FAM161B: variants seen among roughly 807,000 people sequenced by gnomAD.
FAM161B encodes protein FAM161B.
A neutral mutation model predicts 61.5 loss-of-function variants in FAM161B; 46 were observed. The observed-to-expected ratio is 0.75, with a 90% CI of 0.59 to 0.96. FAM161B has a LOEUF of 0.96. FAM161B is among the 40% of genes least tolerant of loss of function. The pLI is 0.00. For missense variants in FAM161B, 774 were observed against 800.7 expected (o/e 0.97, Z 0.40); for synonymous variants, 284 against 302.7 (o/e 0.94, Z 0.64).
downstream of FAM161B, among the ~76,000 whole-genome samples, chr14:73,929,548 G>A (rs17094045): frequency 0.085 from 12,958 of 152,090 alleles, 959 homozygotes; most frequent in East Asian, 0.44. Context: ...AACCAAATCT[G>A]TTATCAGAAA....
At chr14:73,925,373 C>T in the FAM161B span, among the ~76,000 whole-genome samples, 2 of 151,696 alleles carry the variant, frequency 1.3e-5, no homozygotes, top group South Asian at 4.2e-4. Flanking sequence ...TATGATAAAC[C>T]CACGTCGAAG....
downstream of FAM161B, among the ~76,000 whole-genome samples, chr14:73,928,216 A>G (rs1175009236): frequency 6.6e-6 from 1 of 152,138 alleles, no homozygotes. Context: ...TTAAGTTGAG[A>G]TGGGAGGGAT....
rs376650648 is a variant in FAM161B at position 73,950,065 on chromosome 14, A to AGTGGCAGCAGCG, written c.-51_-40dup. On this transcript the variant is annotated 5_prime_UTR_variant, in exon 1 of 9. Transcript: ENST00000286544. ...AGGCAGCAGCGACAGTGACAGCGATAGTGGCAGCAGCGGTGGCAGCGAGAG... is the reference window on the plus strand; with the variant it reads ...AGGCAGCAGCGACAGTGACAGCGATAGTGGCAGCAGCGGTGGCAGCAGCGGTGGCAGCGAGAG... 1.7e-5 allele frequency: 27 copies of AGTGGCAGCAGCG among 1,608,862 alleles called. No homozygotes were observed. Among genetic ancestry groups the AGTGGCAGCAGCG allele is most frequent in the Non-Finnish European group, 2.3e-5 (27 of 1,179,984 alleles).
rs1423335937 is a variant in FAM161B at position 73,940,149 on chromosome 14, G to T, written c.1400+777C>A. ...GACATTAGTCCTCTCCCTGGCCTAA[G>T]CTGCTGTTACACCATGACCTCTCTT... is the stretch of plus-strand genomic sequence containing the variant. On this transcript the variant is annotated intron_variant, in intron 5 of 8. Coordinates refer to ENST00000286544, the MANE Select transcript of FAM161B (RefSeq NM_152445.3). Among the ~76,000 whole-genome samples, 3 of 152,218 alleles carry T rather than the reference G, an allele frequency of 2.0e-5. No homozygotes were observed. In the East Asian group the frequency reaches 5.8e-4, roughly 29 times the overall value.
At chr14:73,945,744 T>A (rs1274862479) in intron 2 of FAM161B, among the ~76,000 whole-genome samples, 1 of 151,966 alleles carries the variant, frequency 6.6e-6, no homozygotes, top group East Asian at 1.9e-4. Context: ...TAAATTTTAT[T>A]TTATTTTTAT....
the FAM161B span, among the ~76,000 whole-genome samples, chr14:73,925,966 T>C: frequency 2.0e-5 from 3 of 152,132 alleles, no homozygotes; most frequent in Non-Finnish European, 4.4e-5. Context: ...CCTGGGAGGT[T>C]GAGGCTACAG....
chr14:73,934,193 C>T lies in FAM161B; in HGVS notation c.*63G>A, dbSNP rs2055950874. 1.1e-5 allele frequency: 17 copies of T among 1,574,334 alleles called. No homozygotes were observed. The South Asian group carries it at 1.8e-4, about 16-fold the overall frequency. ...GACTCAAAACCCAAGTTTTCCCTGC[C>T]TTGACTCAAACCCAAGTTAGCTGCT... On this transcript the variant is annotated 3_prime_UTR_variant, in exon 9 of 9. Transcript: ENST00000286544.
intron 1 of FAM161B, among the ~76,000 whole-genome samples, chr14:73,947,993 C>G (rs1467328329): frequency 6.6e-6 from 1 of 152,022 alleles, no homozygotes; most frequent in Non-Finnish European, 1.5e-5. Flanking sequence ...GCAATCATGC[C>G]TCACTGCAGC....
rs560808582 is a variant in FAM161B, at chr14:73,944,560, T to C, written c.700A>G (p.Met234Val). 2.5e-6 allele frequency: 4 copies of C among 1,614,032 alleles called. No homozygotes were observed. Among genetic ancestry groups the C allele is most frequent in the East Asian group, 2.2e-5 (1 of 44,866 alleles). The change falls in exon 3 of 9, where the codon ATG becomes GTG. Residue 234 changes from methionine to valine, a missense_variant. By Grantham distance (21) the Met-to-Val change is conservative (BLOSUM62 1). Transcript: ENST00000286544. ...HVYLPLYQEI[M>V]ERSEARRQAG... ...TGCCTTCGGGCCTCGCTGCGCTCCA[T>C]GATCTCTTGGTAGAGGGGCAGGTAG...
At chr14:73,945,916 A>G (rs1366150572) in intron 2 of FAM161B, among the ~76,000 whole-genome samples, 1 of 151,206 alleles carries the variant, frequency 6.6e-6, no homozygotes, top group Non-Finnish European at 1.5e-5. Flanking sequence ...TAATTTTTGT[A>G]TTTTTAGTAG....
the FAM161B span, among the ~76,000 whole-genome samples, chr14:73,926,459 G>A: frequency 6.6e-6 from 1 of 151,820 alleles, no homozygotes; most frequent in Non-Finnish European, 1.5e-5. Context: ...TTGAGACTGA[G>A]TCTCACTCTG....
intron 3 of FAM161B, 78 bp from the exon 4 acceptor site, chr14:73,942,793 C>G (rs1488776903): frequency 7.6e-7 from 1 of 1,323,342 alleles, no homozygotes; most frequent in African/African-American, 1.5e-5. Flanking sequence ...CCCTCTTTTA[C>G]ACACTAGCTG....
chr14:73,939,381 G>A (rs533025198), intron 5 of FAM161B, among the ~76,000 whole-genome samples: 2 of 152,148 alleles, frequency 1.3e-5, no homozygotes, highest in Non-Finnish European at 2.9e-5. Context: ...AATACTAATA[G>A]CTACCATTTA....
chr14:73,926,092 G>T, the FAM161B span, among the ~76,000 whole-genome samples: 1 of 152,090 alleles, frequency 6.6e-6, no homozygotes, highest in Non-Finnish European at 1.5e-5. Context: ...TCCTCCTTTT[G>T]TTGTTGTTGC....
At chr14:73,934,480 CAT>C in intron 8 of FAM161B, 86 bp from the exon 9 acceptor site, 16 of 1,334,792 alleles carry the variant, frequency 1.2e-5, no homozygotes, top group South Asian at 4.3e-5. Context: ...AGTGCAGTGG[CAT>C]GATCTCAGCT....
intron 8 of FAM161B, 39 bp downstream of exon 8, chr14:73,935,910 T>C (rs2055967526): frequency 1.9e-6 from 3 of 1,586,802 alleles, no homozygotes; most frequent in Non-Finnish European, 2.6e-6. Flanking sequence ...GGTATGACAA[T>C]TTAGAGAGCT....
At chr14:73,948,958 C>T (rs1018057457) in intron 1 of FAM161B, among the ~76,000 whole-genome samples, 6 of 151,642 alleles carry the variant, frequency 4.0e-5, no homozygotes, top group Admixed American at 6.6e-5. Flanking sequence ...CTCGCTCTGT[C>T]GCCAGGCTAG....
At chr14:73,935,252 G>T (rs1253189291) in intron 8 of FAM161B, among the ~76,000 whole-genome samples, 1 of 151,762 alleles carries the variant, frequency 6.6e-6, no homozygotes, top group African/African-American at 2.4e-5. Context: ...GGAGGGCCGG[G>T]CGCGGTCACT....
At chr14:73,929,014 C>CA (rs2055873811), downstream of FAM161B, among the ~76,000 whole-genome samples, 1 of 152,070 alleles carries the variant, frequency 6.6e-6, no homozygotes, top group Non-Finnish European at 1.5e-5. Context: ...AATGGAAGCC[C>CA]AAAACACTTA....
Sources: gnomAD v4.1 joint callset for allele counts (sites outside exome capture counted in the v4.1 genomes callset) on GRCh38, gnomAD v4.1.1 for gene constraint, MANE v1.5 for transcripts, NCBI Gene and HGNC (gene_info 2026-07-23, HGNC 2026-07-21) for gene names.